The following ENTPD1 variants were observed in gnomAD, a reference collection of about 807,000 sequenced individuals.
The protein encoded by ENTPD1 is ectonucleoside triphosphate diphosphohydrolase 1.
In ENTPD1, 33 loss-of-function variants were observed where a neutral mutation model predicts 57.0. The ratio of observed to expected loss-of-function variants is 0.58; its 90% CI spans 0.44 to 0.77. The LOEUF (loss-of-function observed/expected upper bound fraction) is 0.77. Ranked by LOEUF, ENTPD1 falls within the 30% of genes least tolerant of loss-of-function variation. The pLI is 0.00. For missense variants in ENTPD1, 501 were observed against 603.4 expected (o/e 0.83, Z 1.78); for synonymous variants, 202 against 218.8 (o/e 0.92, Z 0.68).
At chr10:95,864,884 T>C (rs2098471386) in intron 9 of ENTPD1, 23 bp downstream of exon 9, 1 of 1,591,434 alleles carries the variant, frequency 6.3e-7, no homozygotes, top group Non-Finnish European at 8.6e-7. Context: ...CCTGTTGGGC[T>C]GGGGGGAGGT....
At chr10:95,817,152 C>T (rs572434341) in intron 1 of ENTPD1, among the ~76,000 whole-genome samples, 10 of 152,260 alleles carry the variant, frequency 6.6e-5, no homozygotes, top group East Asian at 1.9e-4. Flanking sequence ...ATTGTTGGCT[C>T]GGTGACCCTT....
intron 2 of ENTPD1, among the ~76,000 whole-genome samples, chr10:95,833,930 C>G (rs2098403322): frequency 6.6e-6 from 1 of 152,208 alleles, no homozygotes; most frequent in African/African-American, 2.4e-5. Context: ...ACTTGAATAC[C>G]TAAATACCTC....
At chr10:95,712,805 T>C (rs1418676144) in intron 1 of ENTPD1, among the ~76,000 whole-genome samples, 3 of 152,050 alleles carry the variant, frequency 2.0e-5, no homozygotes, top group Non-Finnish European at 4.4e-5. Context: ...GAGGCCAAGG[T>C]GGGCAGATCA....
chr10:95,873,026 T>C lies in ENTPD1; in HGVS notation c.*6643T>C, dbSNP rs946225567. 1.0e-6 allele frequency: 1 copy of C among 970,622 alleles called. No homozygotes were observed. Among genetic ancestry groups the C allele is most frequent in the Non-Finnish European group, 1.2e-6 (1 of 816,508 alleles). 60.1% of individuals were successfully genotyped at this position (970,622 alleles called of 1,614,324 possible). A position where few individuals can be genotyped will look rare whatever the true frequency, so the allele number is the denominator to read the frequency against. ...TCTCAAAATTTAATGTACATACAAA[T>C]TACCCAGGGATTTTGTTGAAATAAA... is the stretch of plus-strand genomic sequence containing the variant. On this transcript the variant is annotated 3_prime_UTR_variant, in exon 10 of 10. Transcript: ENST00000371205.
At chr10:95,742,512 TTTTC>T in intron 1 of ENTPD1, among the ~76,000 whole-genome samples, 1 of 151,178 alleles carries the variant, frequency 6.6e-6, no homozygotes, top group Non-Finnish European at 1.5e-5. Flanking sequence ...TTCTTTTTCT[TTTTC>T]TTCTTCTTCT....
chr10:95,792,823 T>C (rs1320030594), intron 1 of ENTPD1, among the ~76,000 whole-genome samples: 1 of 152,208 alleles, frequency 6.6e-6, no homozygotes, highest in Non-Finnish European at 1.5e-5. Flanking sequence ...AAGCATTTGT[T>C]ATCCTAGTCA....
intron 1 of ENTPD1, among the ~76,000 whole-genome samples, chr10:95,790,364 T>C (rs1198923112): frequency 6.6e-6 from 1 of 152,204 alleles, no homozygotes; most frequent in Non-Finnish European, 1.5e-5. Context: ...TGTGTGTTAT[T>C]GGTCAACAGA....
intron 7 of ENTPD1, among the ~76,000 whole-genome samples, chr10:95,857,811 A>T (rs1464258829): frequency 1.3e-5 from 2 of 152,240 alleles, no homozygotes; most frequent in Non-Finnish European, 2.9e-5. Context: ...TCTAGAAAGC[A>T]GGCAGACATG....
chr10:95,827,297 C>CA lies in ENTPD1; in HGVS notation c.144+3941dup, dbSNP rs985928028. Reference sequence around the variant, plus strand: ...TGAAATCCCGTCTCTACTAAAAATACAAAAAAAATTAGCCGGGCGTGGTGG... The same window carrying CA: ...TGAAATCCCGTCTCTACTAAAAATACAAAAAAAAATTAGCCGGGCGTGGTGG... On this transcript the variant is annotated intron_variant, in intron 2 of 9. Coordinates refer to ENST00000371205, the MANE Select transcript of ENTPD1 (RefSeq NM_001776.6). Among the ~76,000 whole-genome samples, 26 of 151,416 alleles carry CA rather than the reference C, an allele frequency of 1.7e-4. 1 individual carries two copies. The South Asian group carries it at 2.9e-3, about 17-fold the overall frequency.
At chr10:95,754,447 C>T (rs1343158556), upstream of ENTPD1, 1 of 152,210 alleles carries the variant, frequency 6.6e-6, no homozygotes, top group African/African-American at 2.4e-5. Context: ...ACCCCTCAGC[C>T]ACTCTGGATC....
At chr10:95,762,154 A>C (rs925053181) in intron 1 of ENTPD1, among the ~76,000 whole-genome samples, 1 of 151,926 alleles carries the variant, frequency 6.6e-6, no homozygotes, top group Admixed American at 6.6e-5. Context: ...CCTGTTACAC[A>C]AAGAGGTGTT....
At chr10:95,815,607 A>G (rs547723279) in intron 1 of ENTPD1, among the ~76,000 whole-genome samples, 1 of 152,178 alleles carries the variant, frequency 6.6e-6, no homozygotes, top group Admixed American at 6.5e-5. Flanking sequence ...GGTGCTGGTT[A>G]AAAGCCTGGA....
chr10:95,825,074 A>G (rs925789719), intron 2 of ENTPD1, among the ~76,000 whole-genome samples: 9 of 152,220 alleles, frequency 5.9e-5, no homozygotes, highest in African/African-American at 1.9e-4. Context: ...TGTGCTGTCC[A>G]ATTTGATAGC....
chr10:95,769,530 C>T (rs2098106489), intron 1 of ENTPD1, among the ~76,000 whole-genome samples: 1 of 152,214 alleles, frequency 6.6e-6, no homozygotes, highest in African/African-American at 2.4e-5. Context: ...GTCTAGCATC[C>T]TGCAGGCCAC....
upstream of ENTPD1, chr10:95,711,646 C>A (rs79260111): frequency 1.0e-2 from 3,404 of 341,494 alleles, 44 homozygotes; most frequent in Middle Eastern, 0.024. Flanking sequence ...TGGAATCTTG[C>A]TTTGTTCCTA....
At chr10:95,793,211 G>C (rs1379605334) in intron 1 of ENTPD1, among the ~76,000 whole-genome samples, 1 of 152,230 alleles carries the variant, frequency 6.6e-6, no homozygotes, top group Non-Finnish European at 1.5e-5. Context: ...AACTAGGACT[G>C]CTTCTAAAAA....
chr10:95,712,400 T>C (rs2097966614), intron 1 of ENTPD1, among the ~76,000 whole-genome samples: 1 of 152,246 alleles, frequency 6.6e-6, no homozygotes, highest in Non-Finnish European at 1.5e-5. Context: ...CCTATTGTCT[T>C]ATTTCATGTC....
chr10:95,851,506 C>T lies in ENTPD1; in HGVS notation c.1074+3800C>T, dbSNP rs528388471. On this transcript the variant is annotated intron_variant, in intron 7 of 9. Transcript: ENST00000371205. ...CAGGTTTGTTAGATATGTATACATA[C>T]GCCATGTTGGTGTGCTGCACCCATT... 9.8e-4 allele frequency among the ~76,000 whole-genome samples: 149 copies of T among 151,702 alleles called. 1 individual carries two copies. Among genetic ancestry groups the T allele is most frequent in the Non-Finnish European group, 1.7e-3 (117 of 67,922 alleles).
At chr10:95,790,989 T>A (rs530874943) in intron 1 of ENTPD1, among the ~76,000 whole-genome samples, 2 of 152,294 alleles carry the variant, frequency 1.3e-5, no homozygotes, top group Non-Finnish European at 2.9e-5. Flanking sequence ...ATACGTAGCT[T>A]TTAGTGAGAC....
Sources: allele counts gnomAD v4.1 joint callset (sites outside exome capture counted in the v4.1 genomes callset), GRCh38; gene constraint gnomAD v4.1.1; transcripts MANE v1.5; gene names NCBI Gene and HGNC (gene_info 2026-07-23, HGNC 2026-07-21).